The following WASF1 variants were observed in gnomAD, a reference collection of about 807,000 sequenced individuals.
The protein encoded by WASF1 is WASP family member 1.
A neutral mutation model predicts 50.5 loss-of-function variants in WASF1; 7 were observed. The ratio of observed to expected loss-of-function variants is 0.14; its 90% CI spans 0.08 to 0.26. The LOEUF is 0.26. Among genes scored for constraint, WASF1 ranks in the 10% least tolerant of loss-of-function variants. The pLI, the probability that WASF1 is intolerant of heterozygous loss-of-function variation, is 1.00. For synonymous variants in WASF1, 205 were observed against 244.0 expected, an observed-to-expected ratio of 0.84 and a Z score of 1.49; for missense variants, 470 against 694.7, an observed-to-expected ratio of 0.68 and a Z score of 3.64.
At chr6:110,175,702 T>C (rs1776900428) in intron 2 of WASF1, among the ~76,000 whole-genome samples, 3 of 152,150 alleles carry the variant, frequency 2.0e-5, no homozygotes, top group Non-Finnish European at 1.5e-5. Flanking sequence ...CCTAACTTCT[T>C]GTCCCAGATA....
chr6:110,179,110 C>A (rs1327516304), intron 1 of WASF1, among the ~76,000 whole-genome samples: 1 of 152,200 alleles, frequency 6.6e-6, no homozygotes, highest in Non-Finnish European at 1.5e-5. Flanking sequence ...GGACCGCGGG[C>A]GCGGGTGGGC....
chr6:110,178,332 C>T (rs1387051946), intron 2 of WASF1, among the ~76,000 whole-genome samples: 4 of 152,102 alleles, frequency 2.6e-5, no homozygotes, highest in Non-Finnish European at 4.4e-5. Context: ...ATAAACTGTT[C>T]CTGAGAGTTC....
chr6:110,101,069 A>T (rs1399004684), intron 10 of WASF1, among the ~76,000 whole-genome samples: 1 of 152,166 alleles, frequency 6.6e-6, no homozygotes, highest in Non-Finnish European at 1.5e-5. Context: ...AGGCACTATT[A>T]TTCATTCTAT....
intron 3 of WASF1, among the ~76,000 whole-genome samples, chr6:110,149,069 T>C (rs902057817): frequency 2.6e-5 from 4 of 152,290 alleles, no homozygotes; most frequent in East Asian, 1.9e-4. Flanking sequence ...TCTAGTAATA[T>C]GTACAACCAA....
chr6:110,120,488 A>AG (rs1298650087), intron 4 of WASF1, among the ~76,000 whole-genome samples: 1 of 152,234 alleles, frequency 6.6e-6, no homozygotes, highest in Admixed American at 6.5e-5. Context: ...AGGGATGTGA[A>AG]GGACCTCTTC....
intron 2 of WASF1, among the ~76,000 whole-genome samples, chr6:110,174,067 A>T (rs889846998): frequency 6.6e-6 from 1 of 152,076 alleles, no homozygotes; most frequent in Non-Finnish European, 1.5e-5. Flanking sequence ...ACCAAACCTC[A>T]CGTAGGCCCT....
At chr6:110,149,205 C>A (rs1485016320) in intron 3 of WASF1, among the ~76,000 whole-genome samples, 1 of 151,626 alleles carries the variant, frequency 6.6e-6, no homozygotes, top group Non-Finnish European at 1.5e-5. Flanking sequence ...CCTTTTTTTC[C>A]CCCTTTCATT....
Position 110,165,792 on chromosome 6 carries a change from A to G in WASF1, c.-126-5060T>C, listed in dbSNP as rs528608473. Among the ~76,000 whole-genome samples the G allele has an allele frequency of 1.3e-4, 20 of 151,844 alleles. No individual in the cohort carries two copies. In the East Asian group the frequency reaches 2.3e-3, roughly 18 times the overall value. On this transcript the variant is annotated intron_variant, in intron 2 of 10. Transcript: ENST00000392589. ...TCACCTAGGAACTTGTAAGAACTGCATATTTTGGTATCACCCCTGAACTTC... is the reference window on the plus strand; with the variant it reads ...TCACCTAGGAACTTGTAAGAACTGCGTATTTTGGTATCACCCCTGAACTTC...
At position 110,102,040 on chromosome 6, in the gene WASF1, G is replaced by T; in HGVS notation, c.1070C>A (p.Pro357Gln). 6.5e-7 allele frequency: 1 copy of T among 1,530,940 alleles called. No individual in the cohort carries two copies. The highest frequency in any genetic ancestry group is 2.3e-5 in the East Asian group (1 of 44,070). The allele number at this position is 1,530,940 out of a possible 1,614,324, so 94.8% of individuals were successfully genotyped here. A position where few individuals can be genotyped will look rare whatever the true frequency, so the allele number is the denominator to read the frequency against. The change falls in exon 10 of 11, where the codon CCA becomes CAA. Residue 357 changes from proline to glutamine, a missense_variant. By Grantham distance (76) the Pro-to-Gln change is moderately conservative. Around this residue, in one of 3 missense-constraint regions of WASF1, gnomAD observed 294 missense variants for 343.5 expected, o/e 0.86. Transcript: ENST00000392589. ...TPPPPVPPPP[P>Q]PPATALQAPA... ...AGCTTGCAAAGCAGTGGCTGGAGGT[G>T]GAGGTGGGGGAGGTACTGGAGGGGG... is the stretch of plus-strand genomic sequence containing the variant.
chr6:110,141,857 C>T (rs188575124), intron 3 of WASF1, among the ~76,000 whole-genome samples: 142 of 151,872 alleles, frequency 9.3e-4, no homozygotes, highest in African/African-American at 2.8e-3. Flanking sequence ...CTGCAACCTC[C>T]GCAACCCAGG....
intron 3 of WASF1, among the ~76,000 whole-genome samples, chr6:110,158,533 G>A (rs761856547): frequency 7.6e-6 from 1 of 130,838 alleles, no homozygotes; most frequent in African/African-American, 3.3e-5. Flanking sequence ...ATTTTTTGAA[G>A]AGGATCCTAT....
intron 4 of WASF1, among the ~76,000 whole-genome samples, chr6:110,116,589 G>C (rs1457239997): frequency 6.6e-6 from 1 of 152,182 alleles, no homozygotes; most frequent in Non-Finnish European, 1.5e-5. Context: ...CCACCTCTTG[G>C]GGAAGGACGT....
chr6:110,152,674 T>C (rs915100697), intron 3 of WASF1, among the ~76,000 whole-genome samples: 3 of 152,182 alleles, frequency 2.0e-5, no homozygotes, highest in African/African-American at 7.2e-5. Context: ...TGAGTCCCTA[T>C]GCAGAGAATC....
chr6:110,166,245 A>T (rs1316199404), intron 2 of WASF1, among the ~76,000 whole-genome samples: 1 of 151,738 alleles, frequency 6.6e-6, no homozygotes, highest in Admixed American at 6.6e-5. Flanking sequence ...CAATTGAAAA[A>T]AAAAATGCCC....
chr6:110,165,322 C>G (rs941342456), intron 2 of WASF1, among the ~76,000 whole-genome samples: 3 of 151,526 alleles, frequency 2.0e-5, no homozygotes, highest in Non-Finnish European at 4.4e-5. Context: ...CTCAATTTTG[C>G]TATGAACCTA....
At position 110,127,470 on chromosome 6, in the gene WASF1, T is replaced by C. The variant is rs751636460; in HGVS notation, c.132A>G (p.Leu44=). ...LANIIRQLSS[L]SKYAEDIFGE... is the part of the protein sequence containing the mutation. Reference sequence around the variant, plus strand: ...TATTTTTAATTGATATATACTTACTTAGGCTACTTAGTTGTCTAATTATAT... The same window carrying C: ...TATTTTTAATTGATATATACTTACTCAGGCTACTTAGTTGTCTAATTATAT... Residue 44 remains leucine, a splice_region_variant and synonymous_variant, in exon 4 of 11, where the codon CTA becomes CTG. Transcript: ENST00000392589. 3 of 1,592,642 alleles carry C rather than the reference T, an allele frequency of 1.9e-6. No homozygotes were observed. Among genetic ancestry groups the C allele is most frequent in the Non-Finnish European group, 2.6e-6 (3 of 1,171,040 alleles).
chr6:110,133,663 T>G (rs1774803957), intron 3 of WASF1, among the ~76,000 whole-genome samples: 1 of 152,210 alleles, frequency 6.6e-6, no homozygotes, highest in Non-Finnish European at 1.5e-5. Flanking sequence ...CTCATGTTTT[T>G]TGGCCACTCG....
chr6:110,120,654 A>C (rs1168579167), intron 4 of WASF1, among the ~76,000 whole-genome samples: 7 of 152,234 alleles, frequency 4.6e-5, no homozygotes, highest in Non-Finnish European at 1.0e-4. Flanking sequence ...TCAAGCTACC[A>C]ATGACTTTCT....
chr6:110,161,553 T>C (rs1042491226), intron 2 of WASF1, among the ~76,000 whole-genome samples: 72 of 151,608 alleles, frequency 4.7e-4, no homozygotes, highest in African/African-American at 1.7e-3. Flanking sequence ...TTTTACATGG[T>C]CAAGATATGT....
Sources: allele counts gnomAD v4.1 joint callset (sites outside exome capture counted in the v4.1 genomes callset), GRCh38; gene constraint gnomAD v4.1.1; regional missense constraint gnomAD v4.1.1; transcripts MANE v1.5; gene names NCBI Gene and HGNC (gene_info 2026-07-23, HGNC 2026-07-21).